The following MEMO1 variants were observed in gnomAD, a reference collection of about 807,000 sequenced individuals.
MEMO1 encodes the protein protein MEMO1.
MEMO1 carries 6 observed loss-of-function variants against 45.2 expected under a neutral mutation model. The ratio of observed to expected loss-of-function variants is 0.13; its 90% CI spans 0.07 to 0.26. MEMO1 has a LOEUF of 0.26. Among genes scored for constraint, MEMO1 ranks in the 10% least tolerant of loss-of-function variants. The pLI is 1.00. For missense variants in MEMO1, 184 were observed against 370.5 expected (o/e 0.50, Z 4.13); for synonymous variants, 78 against 124.3 (o/e 0.63, Z 2.48).
intron 5 of MEMO1, among the ~76,000 whole-genome samples, chr2:31,918,907 A>C (rs1681870060): frequency 6.6e-6 from 1 of 152,036 alleles, no homozygotes; most frequent in Non-Finnish European, 1.5e-5. Flanking sequence ...CCCAAAATTA[A>C]AATTTTCTGA....
chr2:31,893,331 AAG>A (rs1318867515), intron 6 of MEMO1: 1 of 1,167,136 alleles, frequency 8.6e-7, no homozygotes, highest in African/African-American at 1.7e-5. Flanking sequence ...TCTATGGAGT[AAG>A]AGAAAAAAAG....
intron 2 of MEMO1, among the ~76,000 whole-genome samples, chr2:31,972,331 T>C (rs1178992101): frequency 6.6e-6 from 1 of 152,056 alleles, no homozygotes; most frequent in Non-Finnish European, 1.5e-5. Context: ...AATTAAGAAA[T>C]GATATAACAA....
At chr2:31,986,696 TA>T (rs1490824166) in intron 2 of MEMO1, among the ~76,000 whole-genome samples, 6 of 152,278 alleles carry the variant, frequency 3.9e-5, no homozygotes, top group African/African-American at 1.4e-4. Context: ...GCATATATTC[TA>T]AAGGAGACAG....
intron 2 of MEMO1, among the ~76,000 whole-genome samples, chr2:32,008,734 A>G (rs1193805163): frequency 6.6e-6 from 1 of 152,208 alleles, no homozygotes; most frequent in African/African-American, 2.4e-5. Flanking sequence ...AAAATGTCAT[A>G]TTTGCTTAAT....
At chr2:32,005,700 C>A (rs963505278) in intron 2 of MEMO1, among the ~76,000 whole-genome samples, 1 of 152,104 alleles carries the variant, frequency 6.6e-6, no homozygotes, top group Non-Finnish European at 1.5e-5. Flanking sequence ...ACATTTGTAT[C>A]CCTGTCCATA....
chr2:31,879,441 A>G (rs1051435248), intron 8 of MEMO1, among the ~76,000 whole-genome samples: 1 of 152,138 alleles, frequency 6.6e-6, no homozygotes, highest in Non-Finnish European at 1.5e-5. Context: ...TCTCTAAACA[A>G]TGGCATTAAC....
chr2:31,938,829 C>T (rs546452999), intron 3 of MEMO1, among the ~76,000 whole-genome samples: 1 of 149,526 alleles, frequency 6.7e-6, no homozygotes, highest in East Asian at 2.0e-4. Flanking sequence ...TCCCATTACC[C>T]AGGCTGGGGT....
chr2:32,008,109 C>A (rs1674326201), intron 2 of MEMO1, among the ~76,000 whole-genome samples: 1 of 152,126 alleles, frequency 6.6e-6, no homozygotes. Context: ...TGATAAATAA[C>A]AATAATCACA....
At chr2:31,923,705 A>C (rs1258616759) in intron 4 of MEMO1, 5 of 1,548,036 alleles carry the variant, frequency 3.2e-6, no homozygotes, top group Non-Finnish European at 4.4e-6. Flanking sequence ...GAGAGAAAGG[A>C]TATTTAACAT....
intron 2 of MEMO1, among the ~76,000 whole-genome samples, chr2:31,968,700 T>C (rs1484419110): frequency 6.6e-6 from 1 of 152,180 alleles, no homozygotes; most frequent in Non-Finnish European, 1.5e-5. Flanking sequence ...TTCCCGAAAA[T>C]TCCTAACATA....
intron 4 of MEMO1, among the ~76,000 whole-genome samples, chr2:31,925,241 G>C (rs1196678835): frequency 6.6e-6 from 1 of 152,104 alleles, no homozygotes; most frequent in African/African-American, 2.4e-5. Context: ...ACTTTGGGAG[G>C]CTGAAGCAGG....
chr2:32,008,455 G>A lies in MEMO1; in HGVS notation c.61+1732C>T, dbSNP rs566803467. On this transcript the variant is annotated intron_variant, in intron 2 of 9. Coordinates refer to ENST00000404530, the MANE Select transcript of MEMO1 (RefSeq NM_001301833.4). ...AAAAATTAGCTGGGCGTGGTGGCGC[G>A]CGCCTGTAATCTCAGCTACTCAGGA... Among the ~76,000 whole-genome samples the A allele has an allele frequency of 4.6e-5, 7 of 152,244 alleles. No individual in the cohort carries two copies. The South Asian group carries it at 8.3e-4, about 18-fold the overall frequency.
intron 2 of MEMO1, among the ~76,000 whole-genome samples, chr2:31,955,987 G>A (rs1006401532): frequency 6.6e-6 from 1 of 152,014 alleles, no homozygotes; most frequent in Non-Finnish European, 1.5e-5. Context: ...AAAACACCAT[G>A]TTTACCGTCT....
intron 2 of MEMO1, among the ~76,000 whole-genome samples, chr2:31,969,588 T>G (rs6717217): frequency 0.063 from 1,036 of 16,520 alleles, 9 homozygotes; most frequent in South Asian, 0.1. Context: ...TGTGTGTGGG[T>G]GTGTGTGTGT....
chr2:31,943,855 A>G (rs1303881042), intron 2 of MEMO1, among the ~76,000 whole-genome samples: 2 of 152,194 alleles, frequency 1.3e-5, no homozygotes, highest in South Asian at 2.1e-4. Flanking sequence ...TCATAATGAA[A>G]TATCGATAAC....
At chr2:31,984,629 G>A (rs1003100675) in intron 2 of MEMO1, among the ~76,000 whole-genome samples, 40 of 152,216 alleles carry the variant, frequency 2.6e-4, no homozygotes, top group African/African-American at 7.9e-4. Flanking sequence ...GTGAAACCCC[G>A]TCTCTACTAA....
chr2:31,884,702 T>C (rs1024742725), intron 7 of MEMO1, among the ~76,000 whole-genome samples: 5 of 152,334 alleles, frequency 3.3e-5, no homozygotes, highest in African/African-American at 1.2e-4. Flanking sequence ...AAATATGTCA[T>C]ATTTCCTTAA....
intron 7 of MEMO1, among the ~76,000 whole-genome samples, chr2:31,886,008 GAA>G (rs1676133524): frequency 6.6e-6 from 1 of 151,926 alleles, no homozygotes; most frequent in Admixed American, 6.6e-5. Flanking sequence ...GCTTCTGAAG[GAA>G]AAAAAGAGGA....
chr2:31,982,021 G>A (rs536094413), intron 2 of MEMO1, among the ~76,000 whole-genome samples: 22 of 151,898 alleles, frequency 1.4e-4, no homozygotes, highest in East Asian at 5.8e-4. Flanking sequence ...ACAACTGGCC[G>A]GGCGCGGTGG....
Sources: allele counts gnomAD v4.1 joint callset (sites outside exome capture counted in the v4.1 genomes callset), GRCh38; gene constraint gnomAD v4.1.1; transcripts MANE v1.5; gene names NCBI Gene and HGNC (gene_info 2026-07-23, HGNC 2026-07-21).